Variants in LRMDA observed in about 807,000 individuals in gnomAD.
LRMDA encodes the protein leucine-rich melanocyte differentiation-associated protein.
Under a neutral mutation model 29.8 loss-of-function variants are expected in LRMDA, and 18 were observed. The ratio of observed to expected loss-of-function variants is 0.60; its 90% CI spans 0.42 to 0.90. The LOEUF (loss-of-function observed/expected upper bound fraction) is 0.90, where lower values mean the gene tolerates loss of function less well. Ranked by LOEUF, LRMDA falls within the 40% of genes least tolerant of loss-of-function variation. LRMDA has a pLI of 0.00. For synonymous variants in LRMDA, 125 were observed against 109.4 expected (o/e 1.14, Z -0.89); for missense variants, 273 against 273.9 (o/e 1.00, Z 0.02).
chr10:75,793,151 A>G (rs900473759), intron 2 of LRMDA, among the ~76,000 whole-genome samples: 1 of 152,242 alleles, frequency 6.6e-6, no homozygotes, highest in Non-Finnish European at 1.5e-5. Flanking sequence ...GCTATACTCC[A>G]TCTTCTTAGA....
chr10:76,131,645 C>G (rs561294779), intron 5 of LRMDA, among the ~76,000 whole-genome samples: 3 of 151,304 alleles, frequency 2.0e-5, no homozygotes, highest in Non-Finnish European at 4.4e-5. Context: ...TTTCTTGCCA[C>G]CTTTTGCTAT....
intron 2 of LRMDA, among the ~76,000 whole-genome samples, chr10:75,523,177 T>C (rs1845380118): frequency 6.6e-6 from 1 of 152,190 alleles, no homozygotes; most frequent in Non-Finnish European, 1.5e-5. Flanking sequence ...AACTGTAAAG[T>C]ACTGTCCACA....
chr10:75,433,542 T>G (rs554945073), intron 1 of LRMDA, among the ~76,000 whole-genome samples: 35 of 152,178 alleles, frequency 2.3e-4, no homozygotes, highest in African/African-American at 6.7e-4. Flanking sequence ...GAGGTGGTTT[T>G]TTTGTTTGTT....
chr10:75,688,749 C>A (rs1247821884), intron 2 of LRMDA, among the ~76,000 whole-genome samples: 1 of 152,158 alleles, frequency 6.6e-6, no homozygotes, highest in Non-Finnish European at 1.5e-5. Flanking sequence ...TGGCAATCTT[C>A]ACTGTTGTCT....
intron 5 of LRMDA, among the ~76,000 whole-genome samples, chr10:76,169,120 A>G (rs764109129): frequency 4.6e-5 from 7 of 152,226 alleles, no homozygotes; most frequent in Non-Finnish European, 1.0e-4. Flanking sequence ...CCTGCCCCAT[A>G]GTAATTCTAA....
intron 5 of LRMDA, among the ~76,000 whole-genome samples, chr10:76,061,042 A>C (rs1223907038): frequency 6.6e-6 from 1 of 152,228 alleles, no homozygotes; most frequent in Non-Finnish European, 1.5e-5. Flanking sequence ...AAGGAATATA[A>C]ATCATTCTAT....
chr10:75,628,761 T>C (rs1841283389), intron 2 of LRMDA, among the ~76,000 whole-genome samples: 1 of 152,168 alleles, frequency 6.6e-6, no homozygotes, highest in Admixed American at 6.5e-5. Context: ...TCCAGCATAG[T>C]CACCCATTAG....
intron 5 of LRMDA, among the ~76,000 whole-genome samples, chr10:76,312,119 A>G (rs1373702600): frequency 3.3e-5 from 5 of 152,190 alleles, no homozygotes; most frequent in Non-Finnish European, 7.3e-5. Flanking sequence ...ATGGCTGAGC[A>G]CATTAAGGGC....
chr10:75,929,295 A>ATGTGAGTGTGTG (rs1554834928), intron 2 of LRMDA, among the ~76,000 whole-genome samples: 3,966 of 151,106 alleles, frequency 0.026, 98 homozygotes, highest in South Asian at 0.064. Flanking sequence ...TGCATGATCT[A>ATGTGAGTGTGTG]TGTGTGTGTG....
intron 5 of LRMDA, among the ~76,000 whole-genome samples, chr10:76,170,811 T>A (rs1018902558): frequency 7.2e-5 from 11 of 152,348 alleles, no homozygotes; most frequent in Admixed American, 6.5e-4. Context: ...TCACCTTCTC[T>A]TATTTGAAAA....
At chr10:76,250,427 C>T (rs1368210717) in intron 5 of LRMDA, among the ~76,000 whole-genome samples, 1 of 152,138 alleles carries the variant, frequency 6.6e-6, no homozygotes, top group Non-Finnish European at 1.5e-5. Flanking sequence ...TATGTACTTT[C>T]ATTTGTAAGT....
At chr10:75,602,074 T>A (rs115434859) in intron 2 of LRMDA, among the ~76,000 whole-genome samples, 1 of 152,326 alleles carries the variant, frequency 6.6e-6, no homozygotes, top group South Asian at 2.1e-4. Flanking sequence ...GGGAATTCAG[T>A]GCTGGGTCAA....
intron 6 of LRMDA, among the ~76,000 whole-genome samples, chr10:76,520,567 T>A (rs1028524056): frequency 6.6e-6 from 1 of 152,300 alleles, no homozygotes; most frequent in Middle Eastern, 3.4e-3. Context: ...ACATCTGAAG[T>A]AGGATTCTAA....
At chr10:76,146,515 A>C (rs200480711) in intron 5 of LRMDA, among the ~76,000 whole-genome samples, 2,829 of 151,346 alleles carry the variant, frequency 0.019, 94 homozygotes, top group African/African-American at 0.065. Context: ...GATTGCAACC[A>C]CTGCCTTTTT....
At chr10:75,726,462 T>C (rs1255400475) in intron 2 of LRMDA, among the ~76,000 whole-genome samples, 1 of 152,230 alleles carries the variant, frequency 6.6e-6, no homozygotes, top group Non-Finnish European at 1.5e-5. Context: ...TTTATGGTTA[T>C]AGAACCTAGC....
chr10:75,905,033 G>A, intron 2 of LRMDA, among the ~76,000 whole-genome samples: 1 of 152,150 alleles, frequency 6.6e-6, no homozygotes, highest in East Asian at 1.9e-4. Flanking sequence ...TATCTGCAGC[G>A]TGCATCCAGT....
rs80290483 is a variant in LRMDA at position 76,275,684 on chromosome 10, A to C, written c.517-48717A>C. On this transcript the variant is annotated intron_variant, in intron 5 of 6. Transcript: ENST00000611255. ...TTAGGTCTTCTTTTTAAATCCATTA[A>C]ATTGTGTGTGTGTTGGTTTTTTGTT... Among the ~76,000 whole-genome samples the C allele has an allele frequency of 3.2e-3, 493 of 151,976 alleles. 24 individuals carry two copies. The East Asian group carries it at 0.077, about 24-fold the overall frequency.
In LRMDA at chr10:76,471,456, T is replaced by G. The variant is rs1231122265; in HGVS notation, c.602-85753T>G. 2.0e-5 allele frequency among the ~76,000 whole-genome samples: 3 copies of G among 151,610 alleles called. No individual in the cohort carries two copies. The East Asian group carries it at 5.8e-4, about 29-fold the overall frequency. ...TATAGCGAAAAATTATTAAAGAAAT[T>G]ATATTACACTAGAAATATTCACTTA... On this transcript the variant is annotated intron_variant, in intron 6 of 6. Coordinates refer to ENST00000611255, the MANE Select transcript of LRMDA (RefSeq NM_001305581.2).
intron 6 of LRMDA, among the ~76,000 whole-genome samples, chr10:76,368,434 T>A (rs1841417310): frequency 6.6e-6 from 1 of 152,212 alleles, no homozygotes; most frequent in South Asian, 2.1e-4. Flanking sequence ...GGATTTGATT[T>A]CCAGTTTTAT....
Sources: gnomAD v4.1 joint callset for allele counts (sites outside exome capture counted in the v4.1 genomes callset) on GRCh38, gnomAD v4.1.1 for gene constraint, MANE v1.5 for transcripts, NCBI Gene and HGNC (gene_info 2026-07-23, HGNC 2026-07-21) for gene names.